Variants in UBR3 observed in about 807,000 individuals in gnomAD.
UBR3 encodes E3 ubiquitin-protein ligase UBR3.
Under a neutral mutation model 243.2 loss-of-function variants are expected in UBR3, and 85 were observed. The observed-to-expected ratio is 0.35, with a 90% CI of 0.29 to 0.42. The LOEUF is 0.42. Among genes scored for constraint, UBR3 ranks in the 10% least tolerant of loss-of-function variants. The pLI is 1.00. For missense variants in UBR3, 1,686 were observed against 2,300.8 expected, an observed-to-expected ratio of 0.73 and a Z score of 5.47; for synonymous variants, 748 against 799.8, an observed-to-expected ratio of 0.94 and a Z score of 1.09.
chr2:169,936,464 A>T (rs374642605), intron 19 of UBR3, among the ~76,000 whole-genome samples: 2 of 151,448 alleles, frequency 1.3e-5, no homozygotes, highest in East Asian at 3.9e-4. Context: ...TATTTTGAAG[A>T]TTTTTTTTCT....
At chr2:170,043,655 G>A (rs2091019773) in intron 32 of UBR3, among the ~76,000 whole-genome samples, 1 of 152,086 alleles carries the variant, frequency 6.6e-6, no homozygotes, top group Non-Finnish European at 1.5e-5. Context: ...TACTTAATAA[G>A]TACCTACTGT....
At chr2:169,939,977 A>C (rs1007341613) in intron 19 of UBR3, among the ~76,000 whole-genome samples, 2 of 150,696 alleles carry the variant, frequency 1.3e-5, no homozygotes, top group Non-Finnish European at 2.9e-5. Flanking sequence ...CTCCCTTTTA[A>C]TTTTTATTGT....
intron 1 of UBR3, among the ~76,000 whole-genome samples, chr2:169,831,630 C>T (rs2081945433): frequency 6.6e-6 from 1 of 152,100 alleles, no homozygotes; most frequent in East Asian, 1.9e-4. Context: ...AGTAATTTTC[C>T]TGGGCTATAC....
chr2:169,845,497 C>T (rs1390402840), intron 1 of UBR3, among the ~76,000 whole-genome samples: 1 of 37,806 alleles, frequency 2.6e-5, no homozygotes, highest in Admixed American at 3.8e-4. Context: ...CCCTCTTCGT[C>T]GTCATCGTCG....
At chr2:170,055,612 A>G (rs1304603311) in intron 33 of UBR3, 28 bp downstream of exon 33, 5 of 1,610,050 alleles carry the variant, frequency 3.1e-6, no homozygotes, top group Non-Finnish European at 4.2e-6. Flanking sequence ...TTTGTCATTT[A>G]GCAGGTAGGT....
In UBR3 at chr2:169,926,842, A is replaced by C. The variant is rs761444819; in HGVS notation, c.2209A>C (p.Lys737Gln). Residue 737 changes from lysine to glutamine, a missense_variant, in exon 16 of 39, where the codon AAG becomes CAG. By Grantham distance (53) the Lys-to-Gln change is moderately conservative (BLOSUM62 1). Around this residue, in one of 8 missense-constraint regions of UBR3, gnomAD observed 346 missense variants for 585.8 expected, o/e 0.59. Transcript: ENST00000272793. ...TTCAAATATTTCTTCTTGTAGATTT[A>C]AGGTAGTGGATTTGTTGACAATGGC... ...YFISSVFERF[K>Q]VVDLLTMASQ... The C allele has an allele frequency of 7.6e-5, 117 of 1,548,868 alleles. No homozygotes were observed. Among genetic ancestry groups the C allele is most frequent in the Non-Finnish European group, 9.2e-5 (105 of 1,145,500 alleles).
chr2:170,057,990 GT>G (rs1218564791), intron 33 of UBR3, among the ~76,000 whole-genome samples: 1 of 152,110 alleles, frequency 6.6e-6, no homozygotes, highest in Non-Finnish European at 1.5e-5. Context: ...ACTATTTTAT[GT>G]TAGGAACTTG....
At position 169,910,333 on chromosome 2, in the gene UBR3, C is replaced by T. The variant is rs955356331; in HGVS notation, c.1780-3727C>T. Among the ~76,000 whole-genome samples the T allele has an allele frequency of 5.3e-5, 8 of 151,980 alleles. No homozygotes were observed. The South Asian group carries it at 6.2e-4, about 12-fold the overall frequency. ...ATGCCATGTCATGTATGTAAGCCCA[C>T]GGAAGACCGAGCCTCAGTAAAGTGG... On this transcript the variant is annotated intron_variant, in intron 10 of 38. Transcript: ENST00000272793.
intron 23 of UBR3, among the ~76,000 whole-genome samples, chr2:169,952,695 A>G (rs2087092853): frequency 6.6e-6 from 1 of 151,304 alleles, no homozygotes; most frequent in African/African-American, 2.4e-5. Context: ...CTCCATCTCA[A>G]AAAAAAAAGT....
chr2:169,961,120 A>G (rs1027940385), intron 24 of UBR3, among the ~76,000 whole-genome samples: 2 of 152,022 alleles, frequency 1.3e-5, no homozygotes, highest in African/African-American at 4.8e-5. Flanking sequence ...TGCCTTTATG[A>G]TATCTCTATT....
chr2:169,974,907 C>T (rs972978854), intron 24 of UBR3, among the ~76,000 whole-genome samples: 12 of 152,120 alleles, frequency 7.9e-5, no homozygotes, highest in African/African-American at 2.9e-4. Flanking sequence ...TAAGGCTGGG[C>T]ATGGTGGCTC....
chr2:169,856,170 A>G (rs1438603862), intron 1 of UBR3, among the ~76,000 whole-genome samples: 1 of 151,244 alleles, frequency 6.6e-6, no homozygotes, highest in African/African-American at 2.4e-5. Context: ...GCGGCGGGGC[A>G]GAGACACTCC....
chr2:169,878,546 C>G lies in UBR3; in HGVS notation c.1010C>G (p.Thr337Ser), dbSNP rs370585087. The G allele has an allele frequency of 1.5e-5, 23 of 1,551,258 alleles. No homozygotes were observed. The highest frequency in any genetic ancestry group is 3.9e-5 in the Admixed American group (2 of 50,964). The change falls in exon 5 of 39, where the codon ACT becomes AGT. Residue 337 changes from threonine to serine, a missense_variant. By Grantham distance (58) the Thr-to-Ser change is moderately conservative. This residue lies in a region of UBR3 where 200 missense variants were observed against 231.6 expected (regional missense o/e 0.86). Coordinates refer to ENST00000272793, the MANE Select transcript of UBR3 (RefSeq NM_172070.4). ...AAAGGTTTCATAGGCGCAACAGGAA[C>G]TTTGGGACAAGTGGATTCTTCAGAT... Reference protein sequence around the residue: ...AVQGFIGATGTLGQVDSSDED... With the variant: ...AVQGFIGATGSLGQVDSSDED...
chr2:170,013,345 CTATTCCTGGA>C (rs2090142259), intron 29 of UBR3, among the ~76,000 whole-genome samples: 1 of 152,008 alleles, frequency 6.6e-6, no homozygotes, highest in Non-Finnish European at 1.5e-5. Flanking sequence ...TGGTGTGCGC[CTATTCCTGGA>C]TACTTGGGAG....
chr2:169,923,542 A>ATTC, intron 11 of UBR3, among the ~76,000 whole-genome samples: 1 of 151,668 alleles, frequency 6.6e-6, no homozygotes, highest in African/African-American at 2.4e-5. Flanking sequence ...TGTGACTGTT[A>ATTC]TTACTGTCAT....
chr2:170,055,311 A>T, intron 32 of UBR3, 149 bp from the exon 33 acceptor site: 1 of 822,054 alleles, frequency 1.2e-6, no homozygotes. Flanking sequence ...TGACAGACTG[A>T]GACCTCGTCT....
At chr2:170,017,999 A>G (rs2090294059) in intron 30 of UBR3, among the ~76,000 whole-genome samples, 1 of 152,304 alleles carries the variant, frequency 6.6e-6, no homozygotes, top group Admixed American at 6.5e-5. Context: ...ACAGCTGGAA[A>G]ATGTCAGAGC....
rs2091834147 is a variant in UBR3 at position 170,077,487 on chromosome 2, C to G, written c.5200-2327C>G. 5 of 1,335,042 alleles carry G rather than the reference C, an allele frequency of 3.7e-6. No homozygotes were observed. In the Admixed American group the frequency reaches 1.2e-4, roughly 33 times the overall value. 82.7% of individuals were successfully genotyped at this position (1,335,042 alleles called of 1,614,324 possible). On this transcript the variant is annotated intron_variant, in intron 36 of 38. Transcript: ENST00000272793. ...CTTTCTTGAAACGCAAGCCCATTGG[C>G]CTGATGAATCTTCCATAGATAAGTA...
intron 24 of UBR3, among the ~76,000 whole-genome samples, chr2:169,985,182 T>C (rs1170321160): frequency 6.6e-6 from 1 of 151,844 alleles, no homozygotes; most frequent in African/African-American, 2.4e-5. Flanking sequence ...TTCTCTTCTC[T>C]TTTCTCCCTA....
Sources: allele counts gnomAD v4.1 joint callset (sites outside exome capture counted in the v4.1 genomes callset), GRCh38; gene constraint gnomAD v4.1.1; regional missense constraint gnomAD v4.1.1; transcripts MANE v1.5; gene names NCBI Gene and HGNC (gene_info 2026-07-23, HGNC 2026-07-21).